The following ANKS1B variants were observed in gnomAD, a reference collection of about 807,000 sequenced individuals.
ANKS1B encodes ankyrin repeat and sterile alpha motif domain containing 1B.
A neutral mutation model predicts 148.3 loss-of-function variants in ANKS1B; 36 were observed. That is an observed-to-expected ratio of 0.24 (90% CI 0.19 to 0.32). The LOEUF is 0.32. ANKS1B is among the 10% of genes least tolerant of loss of function. ANKS1B has a pLI of 1.00. For missense variants in ANKS1B, 1,157 were observed against 1,542.6 expected (o/e 0.75, Z 4.19); for synonymous variants, 542 against 560.8 (o/e 0.97, Z 0.47).
chr12:99,592,067 T>G (rs943555677), intron 9 of ANKS1B, among the ~76,000 whole-genome samples: 1 of 152,188 alleles, frequency 6.6e-6, no homozygotes, highest in Non-Finnish European at 1.5e-5. Flanking sequence ...AAAGAAACTC[T>G]GTGAATAAGT....
intron 14 of ANKS1B, among the ~76,000 whole-genome samples, chr12:99,160,071 T>C (rs2076489167): frequency 6.6e-6 from 1 of 152,198 alleles, no homozygotes; most frequent in African/African-American, 2.4e-5. Flanking sequence ...TTAATGTGGT[T>C]ATTTATTTTT....
intron 17 of ANKS1B, among the ~76,000 whole-genome samples, chr12:98,908,385 T>G (rs1466261557): frequency 6.6e-6 from 1 of 152,220 alleles, no homozygotes; most frequent in African/African-American, 2.4e-5. Context: ...TCTCTGTGAC[T>G]TGCACTTGGG....
rs1714208122 is a variant in ANKS1B at position 99,538,421 on chromosome 12, T to C, written c.1273-33780A>G. Among the ~76,000 whole-genome samples the C allele has an allele frequency of 2.6e-5, 4 of 152,194 alleles. No homozygotes were observed. The South Asian group carries it at 8.3e-4, about 31-fold the overall frequency. On this transcript the variant is annotated intron_variant, in intron 9 of 26. Coordinates refer to ENST00000683438, the MANE Select transcript of ANKS1B (RefSeq NM_001352186.2). ...AATGTCTTTCCATTTTTCTGTGTCC[T>C]CTTCAATTTCTGTGTCAATGGTTTA...
intron 1 of ANKS1B, among the ~76,000 whole-genome samples, chr12:99,898,429 C>T (rs968673108): frequency 3.3e-5 from 5 of 152,112 alleles, no homozygotes; most frequent in African/African-American, 1.2e-4. Context: ...AAAACCTTCC[C>T]CAAGGAACAG....
At chr12:99,750,559 G>T (rs1474670500) in intron 8 of ANKS1B, among the ~76,000 whole-genome samples, 4 of 151,968 alleles carry the variant, frequency 2.6e-5, no homozygotes, top group Non-Finnish European at 4.4e-5. Context: ...TCTACTTCTT[G>T]GGCACTTAGC....
chr12:99,271,662 C>CTATATATATATATATATATA (rs59207203), intron 12 of ANKS1B, among the ~76,000 whole-genome samples: 1,724 of 93,796 alleles, frequency 0.018, 100 homozygotes, highest in African/African-American at 0.024. Flanking sequence ...AGTCAATAAA[C>CTATATATATATATATATATA]TATATATATA....
intron 9 of ANKS1B, among the ~76,000 whole-genome samples, chr12:99,516,529 A>C (rs867319575): frequency 9.9e-5 from 15 of 152,048 alleles, no homozygotes; most frequent in African/African-American, 3.6e-4. Context: ...CATAAGTGGG[A>C]GCTAAAAAAT....
intron 17 of ANKS1B, among the ~76,000 whole-genome samples, chr12:98,986,345 A>G (rs2099923365): frequency 6.6e-6 from 1 of 150,776 alleles, no homozygotes; most frequent in Admixed American, 6.6e-5. Flanking sequence ...ACCAGGTGAT[A>G]TTTTACCACA....
intron 15 of ANKS1B, among the ~76,000 whole-genome samples, chr12:99,134,445 A>G (rs1270787650): frequency 6.6e-6 from 1 of 152,034 alleles, no homozygotes; most frequent in East Asian, 1.9e-4. Flanking sequence ...GCCCATCAGA[A>G]CCTCGGAAGT....
rs368940836 is a variant in ANKS1B at position 99,586,311 on chromosome 12, A to G, written c.1272+68756T>C. On this transcript the variant is annotated intron_variant, in intron 9 of 26. Transcript: ENST00000683438. ...GGCAAAATGCCACCAGTCTCCTTGC[A>G]TAGCAAGAGTGACCTTTACTCCAGT... Among the ~76,000 whole-genome samples the G allele has an allele frequency of 1.9e-3, 291 of 152,304 alleles. 2 individuals are homozygous for G. Among genetic ancestry groups the G allele is most frequent in the African/African-American group, 6.8e-3 (282 of 41,572 alleles).
chr12:99,044,977 G>A (rs923394860), intron 17 of ANKS1B, among the ~76,000 whole-genome samples: 10 of 151,918 alleles, frequency 6.6e-5, no homozygotes, highest in Admixed American at 6.6e-5. Context: ...AAGAAGAGAG[G>A]GCACATTTGA....
intron 9 of ANKS1B, among the ~76,000 whole-genome samples, chr12:99,605,122 TA>T (rs891940070): frequency 6.6e-6 from 1 of 152,032 alleles, no homozygotes; most frequent in Non-Finnish European, 1.5e-5. Flanking sequence ...ACACTAAAGG[TA>T]ATTTTAAATA....
intron 12 of ANKS1B, among the ~76,000 whole-genome samples, chr12:99,320,249 G>A (rs934349532): frequency 1.3e-5 from 2 of 152,152 alleles, no homozygotes; most frequent in African/African-American, 2.4e-5. Context: ...GCCTTGCTAG[G>A]TTGGGGAAGT....
At chr12:99,305,338 T>C (rs1322229916) in intron 12 of ANKS1B, among the ~76,000 whole-genome samples, 3 of 152,156 alleles carry the variant, frequency 2.0e-5, no homozygotes, top group Admixed American at 6.6e-5. Context: ...TTTCTGCTGA[T>C]ATCAATTTAA....
chr12:99,944,695 GGTT>G (rs1167053614), intron 1 of ANKS1B, among the ~76,000 whole-genome samples: 1 of 152,028 alleles, frequency 6.6e-6, no homozygotes, highest in African/African-American at 2.4e-5. Flanking sequence ...TTTATCACTG[GGTT>G]GTTGTGAGAT....
intron 8 of ANKS1B, among the ~76,000 whole-genome samples, chr12:99,689,013 C>T (rs1461700336): frequency 6.6e-6 from 1 of 151,838 alleles, no homozygotes; most frequent in Non-Finnish European, 1.5e-5. Context: ...ACTTTTTAGC[C>T]CTAAAATCAT....
chr12:98,928,342 T>A (rs1304958517), intron 17 of ANKS1B, among the ~76,000 whole-genome samples: 2 of 150,998 alleles, frequency 1.3e-5, no homozygotes, highest in African/African-American at 2.4e-5. Context: ...GCCTTATTAA[T>A]GAATTCTACC....
intron 9 of ANKS1B, among the ~76,000 whole-genome samples, chr12:99,612,968 G>T (rs756101098): frequency 6.6e-6 from 1 of 152,092 alleles, no homozygotes; most frequent in Non-Finnish European, 1.5e-5. Context: ...AAGCTGTCTA[G>T]TGATAACCCT....
intron 17 of ANKS1B, among the ~76,000 whole-genome samples, chr12:98,837,303 C>G (rs1302481261): frequency 6.7e-6 from 1 of 150,082 alleles, no homozygotes; most frequent in Non-Finnish European, 1.5e-5. Flanking sequence ...CGCCACTGCA[C>G]TCCAGCCTGG....
Sources: allele counts gnomAD v4.1 joint callset (sites outside exome capture counted in the v4.1 genomes callset), GRCh38; gene constraint gnomAD v4.1.1; transcripts MANE v1.5; gene names NCBI Gene and HGNC (gene_info 2026-07-23, HGNC 2026-07-21).